The following MS4A4A variants were observed in gnomAD, a reference collection of about 807,000 sequenced individuals.
MS4A4A encodes membrane spanning 4-domains A4A, also known as membrane-spanning 4-domains subfamily A member 4A.
MS4A4A carries 26 observed loss-of-function variants against 28.0 expected under a neutral mutation model. That is an observed-to-expected ratio of 0.93 (90% CI 0.68 to 1.29). The LOEUF (loss-of-function observed/expected upper bound fraction) is 1.29. Ranked by LOEUF, MS4A4A falls within the 50% of genes most tolerant of loss-of-function variation. The pLI is 0.00. For synonymous variants in MS4A4A, 86 were observed against 100.8 expected (o/e 0.85, Z 0.88); for missense variants, 290 against 293.1 (o/e 0.99, Z 0.08).
At chr11:60,282,649 C>G (rs2084764985) in intron 1 of MS4A4A, 2 of 1,285,940 alleles carry the variant, frequency 1.6e-6, no homozygotes, top group African/African-American at 3.0e-5. Flanking sequence ...ATGCAGATGT[C>G]TCAATATAGG....
At chr11:60,294,885 A>AACAACTACT (rs2084889192) in intron 2 of MS4A4A, among the ~76,000 whole-genome samples, 1 of 104,546 alleles carries the variant, frequency 9.6e-6, no homozygotes, top group Admixed American at 9.5e-5. Context: ...TTAGTCCTAC[A>AACAACTACT]ACTACTACTT....
At chr11:60,292,680 G>C (rs990458726) in intron 2 of MS4A4A, among the ~76,000 whole-genome samples, 2 of 152,168 alleles carry the variant, frequency 1.3e-5, no homozygotes, top group African/African-American at 4.8e-5. Context: ...GGCCACCTAT[G>C]CACTACTAGC....
At chr11:60,297,922 C>T (rs1006152923) in intron 3 of MS4A4A, among the ~76,000 whole-genome samples, 20 of 152,074 alleles carry the variant, frequency 1.3e-4, no homozygotes, top group Non-Finnish European at 2.5e-4. Context: ...GGTACACAAG[C>T]AGTTTCTAAT....
intron 1 of MS4A4A, among the ~76,000 whole-genome samples, chr11:60,288,418 C>T (rs1284697796): frequency 6.6e-6 from 1 of 152,184 alleles, no homozygotes; most frequent in African/African-American, 2.4e-5. Flanking sequence ...TGCAGATTAC[C>T]CACAAAGCTG....
In MS4A4A at chr11:60,290,734, C is replaced by T. The variant is rs375480014; in HGVS notation, c.42-1491C>T. Among the ~76,000 whole-genome samples the T allele has an allele frequency of 2.8e-4, 43 of 151,898 alleles. 1 individual carries two copies. The highest frequency in any genetic ancestry group is 6.8e-3 in the Middle Eastern group (2 of 292). ...TAAATAATTAATCTTTTCATTTTAA[C>T]GTTTCTCCTCTATCTTTCTCTGAAA... On this transcript the variant is annotated intron_variant, in intron 1 of 6. Transcript: ENST00000337908.
At chr11:60,292,845 T>C (rs1410484393) in intron 2 of MS4A4A, among the ~76,000 whole-genome samples, 1 of 152,014 alleles carries the variant, frequency 6.6e-6, no homozygotes, top group Non-Finnish European at 1.5e-5. Flanking sequence ...CCAAAAGAAA[T>C]GAAGGATTAA....
At chr11:60,281,642 A>G (rs887073685) in intron 1 of MS4A4A, among the ~76,000 whole-genome samples, 9 of 151,854 alleles carry the variant, frequency 5.9e-5, no homozygotes, top group African/African-American at 1.9e-4. Flanking sequence ...TGTTTGTACC[A>G]CTCTCCTCAT....
intron 1 of MS4A4A, among the ~76,000 whole-genome samples, chr11:60,291,094 G>C (rs1214167607): frequency 6.6e-6 from 1 of 152,168 alleles, no homozygotes; most frequent in Admixed American, 6.5e-5. Flanking sequence ...CAACTACATA[G>C]ATAAAAATTT....
rs113168571 is a variant in MS4A4A, at chr11:60,299,707, C to T, written c.331-1294C>T. The stretch of plus-strand genomic sequence containing the variant: ...CGATCTCCTGGTCTCGTGATCCACC[C>T]GCCTCAGCCTCCCAAAGTGCTGGGA... On this transcript the variant is annotated intron_variant, in intron 3 of 6. Coordinates refer to ENST00000337908, the MANE Select transcript of MS4A4A (RefSeq NM_148975.3). 3.7e-3 allele frequency among the ~76,000 whole-genome samples: 556 copies of T among 152,136 alleles called. 3 individuals carry two copies. The highest frequency in any genetic ancestry group is 0.013 in the African/African-American group (544 of 41,522).
At chr11:60,302,096 T>C (rs1012176668) in intron 4 of MS4A4A, among the ~76,000 whole-genome samples, 14 of 152,098 alleles carry the variant, frequency 9.2e-5, no homozygotes, top group Non-Finnish European at 1.9e-4. Flanking sequence ...TTTTAGTTCT[T>C]ATTAAAAGCC....
intron 1 of MS4A4A, among the ~76,000 whole-genome samples, chr11:60,289,125 C>T (rs913923305): frequency 6.6e-6 from 1 of 152,146 alleles, no homozygotes; most frequent in South Asian, 2.1e-4. Flanking sequence ...TAGCTACTCA[C>T]TTCTGAAGCA....
At chr11:60,303,368 T>C (rs2084969843) in intron 5 of MS4A4A, among the ~76,000 whole-genome samples, 1 of 152,204 alleles carries the variant, frequency 6.6e-6, no homozygotes, top group South Asian at 2.1e-4. Context: ...GGAAAAGTTA[T>C]TGCAGCACAT....
rs2084911520 is a variant in MS4A4A at position 60,297,061 on chromosome 11, T to C, written c.202-136T>C. On this transcript the variant is annotated intron_variant, in intron 2 of 6. Transcript: ENST00000337908. The stretch of plus-strand genomic sequence containing the variant: ...CACGGTTATTTATGTGAAAAAAGAG[T>C]GATAAGAGAATACTAAGAAGGTCAT... The C allele has an allele frequency of 5.0e-6, 5 of 1,001,828 alleles. No homozygotes were observed. The Admixed American group carries it at 1.2e-4, about 23-fold the overall frequency. The allele number at this position is 1,001,828 out of a possible 1,614,324, so 62.1% of individuals were successfully genotyped here. A position where few individuals can be genotyped will look rare whatever the true frequency, so the allele number is the denominator to read the frequency against.
chr11:60,297,338 T>C lies in MS4A4A; in HGVS notation c.330+13T>C, dbSNP rs199568714. The C allele has an allele frequency of 8.7e-6, 14 of 1,612,158 alleles. No homozygotes were observed. Among genetic ancestry groups the C allele is most frequent in the Admixed American group, 5.0e-5 (3 of 59,840 alleles). ...GGGGTCAGTAATGGTGAGTAGAGTA[T>C]CTTTTGATATAATTGAAGATAACAT... is the stretch of plus-strand genomic sequence containing the variant. On this transcript the variant is annotated intron_variant, in intron 3 of 6. Transcript: ENST00000337908.
intron 3 of MS4A4A, among the ~76,000 whole-genome samples, chr11:60,297,632 A>G (rs2194962): frequency 0.96 from 145,938 of 152,298 alleles, 70,150 homozygotes; most frequent in Non-Finnish European, 1. Context: ...CTAGTGGCTT[A>G]TCATTTCTAG....
chr11:60,297,447 C>T, intron 3 of MS4A4A, 122 bp downstream of exon 3: 1 of 1,084,406 alleles, frequency 9.2e-7, no homozygotes, highest in Non-Finnish European at 1.3e-6. Context: ...GGTATCTAAC[C>T]ATTTCTTACT....
intron 1 of MS4A4A, among the ~76,000 whole-genome samples, chr11:60,281,750 C>T (rs534712546): frequency 6.6e-6 from 1 of 152,068 alleles, no homozygotes; most frequent in Non-Finnish European, 1.5e-5. Context: ...GTGACTGGGG[C>T]CAATAGAAGA....
At chr11:60,284,675 G>A (rs1565142364) in intron 1 of MS4A4A, among the ~76,000 whole-genome samples, 1 of 152,156 alleles carries the variant, frequency 6.6e-6, no homozygotes, top group Non-Finnish European at 1.5e-5. Context: ...TGCAGTCTCT[G>A]TTCTAATGAT....
chr11:60,308,290 ATAT>A lies in MS4A4A; in HGVS notation c.*122_*124del, dbSNP rs146340186. ...AACTTCGATACTGATAGACTTGTTG[ATAT>A]TATTATTATATGTAATCCAATTATG... is the stretch of plus-strand genomic sequence containing the variant. On this transcript the variant is annotated 3_prime_UTR_variant, in exon 7 of 7. Transcript: ENST00000337908. 1,969 of 865,506 alleles carry A rather than the reference ATAT, an allele frequency of 2.3e-3. 36 individuals are homozygous for A. The African/African-American group carries it at 0.029, about 13-fold the overall frequency. The allele number at this position is 865,506 out of a possible 1,614,324, so 53.6% of individuals were successfully genotyped here.
Sources: allele counts gnomAD v4.1 joint callset (sites outside exome capture counted in the v4.1 genomes callset), GRCh38; gene constraint gnomAD v4.1.1; transcripts MANE v1.5; gene names NCBI Gene and HGNC (gene_info 2026-07-23, HGNC 2026-07-21).